PRKAR1B: variants seen among roughly 807,000 people sequenced by gnomAD.
PRKAR1B encodes cAMP-dependent protein kinase type I-beta regulatory subunit.
In PRKAR1B, 22 loss-of-function variants were observed where a neutral mutation model predicts 46.5. That is an observed-to-expected ratio of 0.47 (90% CI 0.34 to 0.68). PRKAR1B has a LOEUF of 0.68. Ranked by LOEUF, PRKAR1B falls within the 30% of genes least tolerant of loss-of-function variation. The pLI is 0.01. For synonymous variants in PRKAR1B, 259 were observed against 217.7 expected (o/e 1.19, Z -1.67); for missense variants, 445 against 535.6 (o/e 0.83, Z 1.67).
intron 10 of PRKAR1B, among the ~76,000 whole-genome samples, chr7:551,044 G>C (rs1292922610): frequency 6.6e-6 from 1 of 151,088 alleles, no homozygotes; most frequent in African/African-American, 2.4e-5. Context: ...GGTAGGCCTG[G>C]GCCTCCCTCA....
In PRKAR1B at chr7:726,860, G is replaced by A; in HGVS notation, c.-23+350C>T. Reference sequence around the variant, plus strand: ...GAGGCCGACAGCAAGCCGGGCCGGCGGCGCGCCTTGGAGGCCCTGCGGCGC... The same window carrying A: ...GAGGCCGACAGCAAGCCGGGCCGGCAGCGCGCCTTGGAGGCCCTGCGGCGC... On this transcript the variant is annotated intron_variant, in intron 1 of 10. Transcript: ENST00000537384. The A allele has an allele frequency of 1.5e-6, 2 of 1,317,042 alleles. No individual in the cohort carries two copies. The highest frequency in any genetic ancestry group is 2.0e-5 in the South Asian group (1 of 49,214). 81.6% of individuals were successfully genotyped at this position (1,317,042 alleles called of 1,614,324 possible). A position where few individuals can be genotyped will look rare whatever the true frequency, so the allele number is the denominator to read the frequency against.
chr7:557,308 G>A (rs974733135), intron 9 of PRKAR1B, among the ~76,000 whole-genome samples: 4 of 152,220 alleles, frequency 2.6e-5, no homozygotes, highest in Non-Finnish European at 5.9e-5. Flanking sequence ...GACTCGGGAG[G>A]GCCACATGGG....
rs762256783 is a variant in PRKAR1B at position 688,095 on chromosome 7, CAA to C, written c.178-7371_178-7370del. 4.7e-4 allele frequency among the ~76,000 whole-genome samples: 16 copies of C among 34,054 alleles called. No homozygotes were observed. The South Asian group carries it at 8.3e-3, about 18-fold the overall frequency. 22.3% of individuals were successfully genotyped at this position (34,054 alleles called of 152,430 possible). A position where few individuals can be genotyped will look rare whatever the true frequency, so the allele number is the denominator to read the frequency against. On this transcript the variant is annotated intron_variant, in intron 2 of 10. Transcript: ENST00000537384. Reference sequence around the variant, plus strand: ...TGGGCGACAAACCAACACTCCACCTCAAAAAAAAAAAAAAAAAAAAAAAAGCT... The same window carrying C: ...TGGGCGACAAACCAACACTCCACCTCAAAAAAAAAAAAAAAAAAAAAAGCT...
chr7:634,370 C>A (rs182142617), intron 4 of PRKAR1B, among the ~76,000 whole-genome samples: 1 of 151,826 alleles, frequency 6.6e-6, no homozygotes, highest in South Asian at 2.1e-4. Context: ...CTCAGCTACT[C>A]GGGAGGCTAA....
At chr7:580,178 C>T (rs1780088411) in intron 8 of PRKAR1B, among the ~76,000 whole-genome samples, 1 of 149,572 alleles carries the variant, frequency 6.7e-6, no homozygotes. Context: ...CTGCAGTGAG[C>T]TATGATCACG....
chr7:650,474 C>T lies in PRKAR1B; in HGVS notation c.440+26755G>A, dbSNP rs559359409. 1.2e-4 allele frequency among the ~76,000 whole-genome samples: 19 copies of T among 152,256 alleles called. No individual in the cohort carries two copies. In the South Asian group the frequency reaches 3.5e-3, roughly 28 times the overall value. On this transcript the variant is annotated intron_variant, in intron 4 of 10. Transcript: ENST00000537384. ...ACCGGCTGCACCTCCGAACCTCCAGCTCTGGGCTGCAAACACCCCCTCCTC... is the reference window on the plus strand; with the variant it reads ...ACCGGCTGCACCTCCGAACCTCCAGTTCTGGGCTGCAAACACCCCCTCCTC...
At chr7:604,541 T>C (rs1010088885) in intron 6 of PRKAR1B, among the ~76,000 whole-genome samples, 1 of 152,184 alleles carries the variant, frequency 6.6e-6, no homozygotes, top group Non-Finnish European at 1.5e-5. Context: ...ACTGGCTCTT[T>C]CTCCGCCTGC....
intron 1 of PRKAR1B, among the ~76,000 whole-genome samples, chr7:718,025 A>G (rs1023655177): frequency 1.3e-5 from 2 of 152,104 alleles, no homozygotes; most frequent in African/African-American, 4.8e-5. Context: ...CAGTGGCTGT[A>G]AGAGGACCCC....
chr7:666,357 C>T lies in PRKAR1B; in HGVS notation c.440+10872G>A, dbSNP rs564561889. Among the ~76,000 whole-genome samples the T allele has an allele frequency of 3.9e-5, 6 of 152,170 alleles. No individual in the cohort carries two copies. In the South Asian group the frequency reaches 1.2e-3, roughly 32 times the overall value. ...GCACATCAGAGAGCTCCGGAGCACG[C>T]GGGGCTGCTTCCTGAGGCTGCTGAG... On this transcript the variant is annotated intron_variant, in intron 4 of 10. Coordinates refer to ENST00000537384, the MANE Select transcript of PRKAR1B (RefSeq NM_001164760.2). This position sits in a 1 kb window ranked among gnomAD's most constrained non-coding sequence, Gnocchi z 4.9.
rs1041095383 is a variant in PRKAR1B, at chr7:568,081, G to A, written c.891+11175C>T. Reference sequence around the variant, plus strand: ...TTTTAAAAACAAAACATTTTTAAAAGGGCCTGGCCACTGGAACCTCAACTC... The same window carrying A: ...TTTTAAAAACAAAACATTTTTAAAAAGGCCTGGCCACTGGAACCTCAACTC... On this transcript the variant is annotated intron_variant, in intron 9 of 10. Transcript: ENST00000537384. Among the ~76,000 whole-genome samples, 4 of 152,174 alleles carry A rather than the reference G, an allele frequency of 2.6e-5. No homozygotes were observed. The South Asian group carries it at 8.3e-4, about 32-fold the overall frequency.
intron 4 of PRKAR1B, among the ~76,000 whole-genome samples, chr7:671,279 G>A (rs566916320): frequency 2.8e-4 from 42 of 152,198 alleles, no homozygotes; most frequent in African/African-American, 7.9e-4. Flanking sequence ...CTAAGCTCAC[G>A]GGCTGCCTCT....
chr7:646,758 A>G (rs1414776477), intron 4 of PRKAR1B, among the ~76,000 whole-genome samples: 2 of 152,240 alleles, frequency 1.3e-5, no homozygotes, highest in African/African-American at 2.4e-5. Flanking sequence ...GCTACTGCAC[A>G]GGTAATTAAG....
chr7:589,599 C>G (rs1780865925), intron 7 of PRKAR1B, among the ~76,000 whole-genome samples: 1 of 152,148 alleles, frequency 6.6e-6, no homozygotes, highest in East Asian at 1.9e-4. Flanking sequence ...CCTGCCTATG[C>G]CCACCGAGCT....
intron 2 of PRKAR1B, among the ~76,000 whole-genome samples, chr7:690,526 C>T (rs909102100): frequency 6.6e-6 from 1 of 152,152 alleles, no homozygotes; most frequent in Non-Finnish European, 1.5e-5. Context: ...AAGTGCTGAG[C>T]TATTGGGATC....
chr7:660,817 C>A (rs551064280), intron 4 of PRKAR1B, among the ~76,000 whole-genome samples: 12 of 126,478 alleles, frequency 9.5e-5, no homozygotes, highest in Non-Finnish European at 1.5e-4. Flanking sequence ...ACTCTCCCCC[C>A]CATGGCACAG....
chr7:681,685 C>T (rs558025158), intron 2 of PRKAR1B, among the ~76,000 whole-genome samples: 1 of 152,262 alleles, frequency 6.6e-6, no homozygotes, highest in African/African-American at 2.4e-5. Context: ...GCCCACCCTG[C>T]CTTGAGCTGT....
chr7:577,533 C>T (rs1269739537), intron 9 of PRKAR1B, among the ~76,000 whole-genome samples: 1 of 151,892 alleles, frequency 6.6e-6, no homozygotes, highest in Non-Finnish European at 1.5e-5. Flanking sequence ...GGCAGGTCAC[C>T]ACACAGCCTG....
chr7:664,883 C>T (rs1175093276), intron 4 of PRKAR1B, among the ~76,000 whole-genome samples: 5 of 152,144 alleles, frequency 3.3e-5, no homozygotes, highest in African/African-American at 1.2e-4. Context: ...CACTACACTC[C>T]AGCCTGAGCA....
chr7:691,862 C>T (rs1041007756), intron 2 of PRKAR1B: 15 of 1,157,518 alleles, frequency 1.3e-5, no homozygotes, highest in African/African-American at 4.8e-5. Context: ...ACCATGACAA[C>T]GGGCCATCTC....
Sources: gnomAD v4.1 joint callset for allele counts (sites outside exome capture counted in the v4.1 genomes callset) on GRCh38, gnomAD v4.1.1 for gene constraint, Gnocchi (gnomAD v3.1) non-coding constraint, MANE v1.5 for transcripts, NCBI Gene and HGNC (gene_info 2026-07-23, HGNC 2026-07-21) for gene names.